Variants in SLC5A8 observed in about 807,000 individuals in gnomAD.
SLC5A8 encodes sodium-coupled monocarboxylate transporter 1.
In SLC5A8, 55 loss-of-function variants were observed where a neutral mutation model predicts 71.9. That is an observed-to-expected ratio of 0.77 (90% confidence interval 0.62 to 0.96). The LOEUF (loss-of-function observed/expected upper bound fraction) is 0.96, where lower values mean the gene tolerates loss of function less well. Ranked by LOEUF, SLC5A8 falls within the 40% of genes least tolerant of loss-of-function variation. SLC5A8 has a pLI of 0.00. For missense variants in SLC5A8, 701 were observed against 745.3 expected (o/e 0.94, Z 0.69); for synonymous variants, 307 against 276.1 (o/e 1.11, Z -1.11).
At chr12:101,179,162 G>T (rs1024407424) in intron 10 of SLC5A8, among the ~76,000 whole-genome samples, 4 of 152,070 alleles carry the variant, frequency 2.6e-5, no homozygotes, top group Non-Finnish European at 4.4e-5. Flanking sequence ...ACCACTAAAT[G>T]CTGGAAAGAA....
At chr12:101,193,264 T>C (rs1869000687) in intron 5 of SLC5A8, among the ~76,000 whole-genome samples, 1 of 152,204 alleles carries the variant, frequency 6.6e-6, no homozygotes, top group Non-Finnish European at 1.5e-5. Flanking sequence ...TGAGCCACTG[T>C]GCCTGGCCAG....
At chr12:101,196,673 A>C (rs892725018) in intron 3 of SLC5A8, among the ~76,000 whole-genome samples, 4 of 152,232 alleles carry the variant, frequency 2.6e-5, no homozygotes, top group Admixed American at 6.5e-5. Context: ...ACAGTAATTT[A>C]ACATACATTC....
At chr12:101,187,202 G>T (rs76837296) in intron 7 of SLC5A8, among the ~76,000 whole-genome samples, 184 bp downstream of exon 7, 160 of 152,150 alleles carry the variant, frequency 1.1e-3, no homozygotes, top group Admixed American at 2.3e-3. Flanking sequence ...CATTTTAGAT[G>T]CAGTACTCTT....
chr12:101,167,072 T>C (rs2051780257), intron 11 of SLC5A8, among the ~76,000 whole-genome samples: 1 of 152,198 alleles, frequency 6.6e-6, no homozygotes, highest in Non-Finnish European at 1.5e-5. Flanking sequence ...CATGTTAGCT[T>C]AGTCAGCTAC....
rs1308850999 is a variant in SLC5A8, at chr12:101,156,119, A to G, written c.*1160T>C. 1.3e-5 allele frequency: 2 copies of G among 152,128 alleles called. No homozygotes were observed. Among genetic ancestry groups the G allele is most frequent in the Non-Finnish European group, 2.9e-5 (2 of 68,020 alleles). The allele number at this position is 152,128 out of a possible 1,614,324, so 9.4% of individuals were successfully genotyped here. ...CTACTTAAAAATTTTAAAACATGGA[A>G]CAAAGCATTTTTTGAGTCCAGACGT... On this transcript the variant is annotated 3_prime_UTR_variant, in exon 15 of 15. Coordinates refer to ENST00000536262, the MANE Select transcript of SLC5A8 (RefSeq NM_145913.5).
At chr12:101,183,745 A>C (rs1050655181) in intron 8 of SLC5A8, among the ~76,000 whole-genome samples, 7 of 152,184 alleles carry the variant, frequency 4.6e-5, no homozygotes, top group African/African-American at 1.4e-4. Context: ...TATATTATTC[A>C]ACATGTAAAT....
intron 10 of SLC5A8, among the ~76,000 whole-genome samples, chr12:101,169,011 T>A (rs1002836072): frequency 6.6e-6 from 1 of 152,136 alleles, no homozygotes; most frequent in African/African-American, 2.4e-5. Flanking sequence ...CGTTGTTGTT[T>A]TAAATAGGCC....
chr12:101,190,394 G>A (rs949073895), intron 6 of SLC5A8, 74 bp downstream of exon 6: 30 of 1,501,730 alleles, frequency 2.0e-5, no homozygotes, highest in African/African-American at 5.7e-5. Flanking sequence ...GGAGCTAAAC[G>A]TGACTTATGA....
chr12:101,190,827 G>A (rs184748968), intron 5 of SLC5A8, among the ~76,000 whole-genome samples: 1 of 152,058 alleles, frequency 6.6e-6, no homozygotes, highest in South Asian at 2.1e-4. Context: ...TACTAGAAGA[G>A]ACTGGGGGAA....
At chr12:101,194,023 C>T (rs1869048955) in intron 4 of SLC5A8, among the ~76,000 whole-genome samples, 2 of 152,102 alleles carry the variant, frequency 1.3e-5, no homozygotes, top group African/African-American at 4.8e-5. Context: ...TGGGCAAAAA[C>T]ATAAAGGAGT....
chr12:101,186,744 G>T (rs777965203), intron 7 of SLC5A8, among the ~76,000 whole-genome samples: 20 of 152,132 alleles, frequency 1.3e-4, no homozygotes, highest in Non-Finnish European at 2.6e-4. Context: ...TTTATATGAA[G>T]CATTATGGTA....
intron 10 of SLC5A8, among the ~76,000 whole-genome samples, chr12:101,172,852 G>T (rs1251009055): frequency 6.6e-6 from 1 of 152,082 alleles, no homozygotes; most frequent in East Asian, 1.9e-4. Flanking sequence ...GCTTATGATG[G>T]GCTCTCCTTA....
At chr12:101,158,598 CTATATATATATATATATATATA>C (rs139268658) in intron 13 of SLC5A8, among the ~76,000 whole-genome samples, 10 of 21,244 alleles carry the variant, frequency 4.7e-4, no homozygotes, top group Admixed American at 1.4e-3. Flanking sequence ...CTCTCTCTCT[CTATATATATATATATATATATA>C]TATATATATA....
chr12:101,158,180 A>C, intron 14 of SLC5A8, 69 bp downstream of exon 14: 3 of 1,051,322 alleles, frequency 2.9e-6, no homozygotes, highest in Non-Finnish European at 4.4e-6. Flanking sequence ...GAGGTTGAGA[A>C]CTAATTAGTG....
At chr12:101,173,004 G>A (rs2051844588) in intron 10 of SLC5A8, among the ~76,000 whole-genome samples, 1 of 152,130 alleles carries the variant, frequency 6.6e-6, no homozygotes, top group African/African-American at 2.4e-5. Context: ...TCCTCAGTGT[G>A]CACCAGCCAC....
chr12:101,207,583 A>G (rs1311579982), intron 1 of SLC5A8, among the ~76,000 whole-genome samples: 1 of 152,148 alleles, frequency 6.6e-6, no homozygotes, highest in Non-Finnish European at 1.5e-5. Flanking sequence ...CCGAAGAGGC[A>G]TGGGTCAGTG....
intron 1 of SLC5A8, among the ~76,000 whole-genome samples, chr12:101,205,730 G>A (rs1869654521): frequency 6.6e-6 from 1 of 152,196 alleles, no homozygotes; most frequent in South Asian, 2.1e-4. Flanking sequence ...CAAGAACACT[G>A]GGCCTCAGAT....
intron 12 of SLC5A8, among the ~76,000 whole-genome samples, chr12:101,165,599 G>A (rs984924499): frequency 6.6e-6 from 1 of 152,084 alleles, no homozygotes; most frequent in Admixed American, 6.6e-5. Context: ...TGCCTGGAAC[G>A]CCCCTGGAAG....
chr12:101,192,017 A>T (rs1868933730), intron 5 of SLC5A8, among the ~76,000 whole-genome samples: 1 of 152,218 alleles, frequency 6.6e-6, no homozygotes, highest in Admixed American at 6.5e-5. Context: ...TACCAGGAAG[A>T]GATTTGGGAG....
Sources: gnomAD v4.1 joint callset for allele counts (sites outside exome capture counted in the v4.1 genomes callset) on GRCh38, gnomAD v4.1.1 for gene constraint, MANE v1.5 for transcripts, NCBI Gene and HGNC (gene_info 2026-07-23, HGNC 2026-07-21) for gene names.